Variants in PPP1R14C observed in about 807,000 individuals in gnomAD.
The protein encoded by PPP1R14C is protein phosphatase 1 regulatory subunit 14C.
A neutral mutation model predicts 20.4 loss-of-function variants in PPP1R14C; 16 were observed. The observed-to-expected ratio is 0.78, with a 90% CI of 0.53 to 1.19. The LOEUF is 1.19. PPP1R14C is among the 50% of genes most tolerant of loss of function. The pLI, the probability that PPP1R14C is intolerant of heterozygous loss-of-function variation, is 0.00. For missense variants in PPP1R14C, 211 were observed against 220.1 expected, an observed-to-expected ratio of 0.96 and a Z score of 0.26; for synonymous variants, 91 against 91.0, an observed-to-expected ratio of 1.00 and a Z score of 0.00.
rs187087687 is a variant in PPP1R14C, at chr6:150,192,414, C to T, written c.307-22330C>T. Among the ~76,000 whole-genome samples the T allele has an allele frequency of 1.4e-4, 21 of 152,184 alleles. No homozygotes were observed. The East Asian group carries it at 3.5e-3, about 25-fold the overall frequency. On this transcript the variant is annotated intron_variant, in intron 1 of 3. Coordinates refer to ENST00000361131, the MANE Select transcript of PPP1R14C (RefSeq NM_030949.3). ...AGGAGCATGCAACCCAGATCCCTTT[C>T]GTGCGTGGTTCACAATAGGGTTTGC...
chr6:150,220,454 G>A (rs925198931), intron 3 of PPP1R14C, among the ~76,000 whole-genome samples: 9 of 152,168 alleles, frequency 5.9e-5, no homozygotes, highest in Admixed American at 4.6e-4. Context: ...ATATAGGAAA[G>A]CGATTTTAAA....
intron 1 of PPP1R14C, among the ~76,000 whole-genome samples, chr6:150,203,198 C>T (rs1777899731): frequency 1.3e-5 from 2 of 152,200 alleles, no homozygotes; most frequent in Admixed American, 6.5e-5. Context: ...GAAAATTGCC[C>T]TGTGCTCTGC....
At chr6:150,245,125 C>T (rs935415957) in intron 3 of PPP1R14C, among the ~76,000 whole-genome samples, 3 of 152,154 alleles carry the variant, frequency 2.0e-5, no homozygotes, top group South Asian at 2.1e-4. Flanking sequence ...TCCCCCTCCC[C>T]GCCACACCCT....
chr6:150,224,549 G>A (rs1778207611), intron 3 of PPP1R14C, among the ~76,000 whole-genome samples: 1 of 152,170 alleles, frequency 6.6e-6, no homozygotes. Flanking sequence ...TCAGCTGTGT[G>A]CAGTTTACTA....
intron 1 of PPP1R14C, among the ~76,000 whole-genome samples, chr6:150,186,548 G>C (rs1777678555): frequency 6.6e-6 from 1 of 152,194 alleles, no homozygotes; most frequent in African/African-American, 2.4e-5. Context: ...AGCTGGAAAA[G>C]CTTTGGGGAG....
chr6:150,145,710 A>G (rs1777173179), intron 1 of PPP1R14C, among the ~76,000 whole-genome samples: 1 of 152,244 alleles, frequency 6.6e-6, no homozygotes, highest in Non-Finnish European at 1.5e-5. Context: ...TCCGAACTTC[A>G]TGCATACGAA....
At chr6:150,176,000 A>G (rs1253377997) in intron 1 of PPP1R14C, among the ~76,000 whole-genome samples, 1 of 152,198 alleles carries the variant, frequency 6.6e-6, no homozygotes, top group East Asian at 1.9e-4. Flanking sequence ...TGACTCTACT[A>G]AAGGGGAATT....
chr6:150,218,747 C>A, intron 3 of PPP1R14C, among the ~76,000 whole-genome samples: 1 of 152,038 alleles, frequency 6.6e-6, no homozygotes, highest in African/African-American at 2.4e-5. Context: ...CTCCTGTATT[C>A]AAGCAACTCT....
At position 150,248,940 on chromosome 6, in the gene PPP1R14C, T is replaced by C. The variant is rs114874423; in HGVS notation, c.*120T>C. On this transcript the variant is annotated 3_prime_UTR_variant, in exon 4 of 4. Coordinates refer to ENST00000361131, the MANE Select transcript of PPP1R14C (RefSeq NM_030949.3). ...AACAACGTTTTTGTTTTTTTTTTTT[T>C]CTTTTTTGGTGTGAAGGTGGGGGGG... 9,597 of 531,568 alleles carry C rather than the reference T, an allele frequency of 0.018. 578 individuals carry two copies. The highest frequency in any genetic ancestry group is 0.17 in the African/African-American group (8,162 of 48,810). The allele number at this position is 531,568 out of a possible 1,614,324, so 32.9% of individuals were successfully genotyped here.
At chr6:150,184,796 C>T (rs1777659383) in intron 1 of PPP1R14C, among the ~76,000 whole-genome samples, 1 of 152,188 alleles carries the variant, frequency 6.6e-6, no homozygotes, top group African/African-American at 2.4e-5. Flanking sequence ...GTGCCTTACA[C>T]AGGGCTGGTG....
At position 150,221,604 on chromosome 6, in the gene PPP1R14C, T is replaced by C. The variant is rs1778167924; in HGVS notation, c.423+4748T>C. ...ATTTTATAATCCCTCATTGCAGAAG[T>C]AGGGTGAGTGGTGGAAAGAATACTG... On this transcript the variant is annotated intron_variant, in intron 3 of 3. Coordinates refer to ENST00000361131, the MANE Select transcript of PPP1R14C (RefSeq NM_030949.3). 3.9e-5 allele frequency among the ~76,000 whole-genome samples: 6 copies of C among 152,140 alleles called. 1 individual carries two copies. In the South Asian group the frequency reaches 1.2e-3, roughly 32 times the overall value.
In PPP1R14C at chr6:150,174,400, T is replaced by G. The variant is rs566546057; in HGVS notation, c.306+30902T>G. Among the ~76,000 whole-genome samples the G allele has an allele frequency of 2.6e-4, 39 of 150,356 alleles. No individual in the cohort carries two copies. The South Asian group carries it at 6.5e-3, about 25-fold the overall frequency. On this transcript the variant is annotated intron_variant, in intron 1 of 3. Transcript: ENST00000361131. ...ACTCCCAGGTAATCTGTATTTTTAG[T>G]AGAGATGGGGTTTCACCGTGTTAGC...
chr6:150,225,738 A>G (rs1778223261), intron 3 of PPP1R14C, among the ~76,000 whole-genome samples: 1 of 152,180 alleles, frequency 6.6e-6, no homozygotes, highest in African/African-American at 2.4e-5. Flanking sequence ...GTGTTCTGTA[A>G]TTTGCCTAAA....
intron 1 of PPP1R14C, chr6:150,195,097 G>C (rs9383719): frequency 1.0e-6 from 1 of 982,900 alleles, no homozygotes; most frequent in Non-Finnish European, 1.2e-6. Flanking sequence ...TCAAGAGGAG[G>C]TTACTCATGC....
At chr6:150,205,536 A>C (rs1244182473) in intron 1 of PPP1R14C, among the ~76,000 whole-genome samples, 1 of 152,118 alleles carries the variant, frequency 6.6e-6, no homozygotes, top group Non-Finnish European at 1.5e-5. Flanking sequence ...AGAACAAAAT[A>C]TATATATCAT....
intron 3 of PPP1R14C, among the ~76,000 whole-genome samples, chr6:150,221,936 C>T (rs1778173180): frequency 6.6e-6 from 1 of 152,110 alleles, no homozygotes; most frequent in Non-Finnish European, 1.5e-5. Flanking sequence ...GTAGCTGAGA[C>T]AACAGGTACA....
chr6:150,237,618 T>C (rs556438104), intron 3 of PPP1R14C, among the ~76,000 whole-genome samples: 1 of 152,356 alleles, frequency 6.6e-6, no homozygotes, highest in Admixed American at 6.5e-5. Context: ...TACTACTCTT[T>C]AAGCACTTTT....
At chr6:150,155,495 A>G (rs1777295902) in intron 1 of PPP1R14C, among the ~76,000 whole-genome samples, 1 of 152,150 alleles carries the variant, frequency 6.6e-6, no homozygotes, top group Non-Finnish European at 1.5e-5. Context: ...CTCAAGTTTA[A>G]ACTGCCAGTA....
chr6:150,194,937 A>C, intron 1 of PPP1R14C: 1 of 985,434 alleles, frequency 1.0e-6, no homozygotes. Context: ...TCCAGGAGGC[A>C]TTCTGTCTGG....
Sources: allele counts gnomAD v4.1 joint callset (sites outside exome capture counted in the v4.1 genomes callset), GRCh38; gene constraint gnomAD v4.1.1; transcripts MANE v1.5; gene names NCBI Gene and HGNC (gene_info 2026-07-23, HGNC 2026-07-21).